The following ADAM33 variants were observed in gnomAD, a reference collection of about 807,000 sequenced individuals.
The protein encoded by ADAM33 is disintegrin and metalloproteinase domain-containing protein 33.
Under a neutral mutation model 106.2 loss-of-function variants are expected in ADAM33, and 103 were observed. The observed-to-expected ratio is 0.97, with a 90% CI of 0.83 to 1.14. The LOEUF (loss-of-function observed/expected upper bound fraction) is 1.14, where lower values mean the gene tolerates loss of function less well. Among genes scored for constraint, ADAM33 ranks in the 50% most tolerant of loss-of-function variants. The probability of loss-of-function intolerance (pLI) is 0.00; values close to 1 mark genes in which losing one functional copy is unlikely to be tolerated. For synonymous variants in ADAM33, 483 were observed against 453.0 expected (o/e 1.07, Z -0.84); for missense variants, 1,120 against 1,096.6 (o/e 1.02, Z -0.30).
chr20:3,673,250 C>A (rs1353305769), intron 11 of ADAM33, 104 bp downstream of exon 11: 1 of 1,534,022 alleles, frequency 6.5e-7, no homozygotes, highest in Admixed American at 2.0e-5. Context: ...GATCATTATC[C>A]CCATTTTACA....
Position 3,671,868 on chromosome 20 carries a change from A to G in ADAM33, c.1706+9T>C. The G allele has an allele frequency of 6.4e-7, 1 of 1,550,776 alleles. No individual in the cohort carries two copies. The highest frequency in any genetic ancestry group is 1.4e-5 in the African/African-American group (1 of 72,726). The stretch of plus-strand genomic sequence containing the variant: ...GCTTCTGCTCCCTCCACTCAGCTCC[A>G]CTCCCTACCTCCCTGCACAGGGCAG... On this transcript the variant is annotated intron_variant, in intron 15 of 21. Transcript: ENST00000356518.
Position 3,671,497 on chromosome 20 carries a change from CT to C in ADAM33, c.1906-2del. The C allele has an allele frequency of 6.2e-7, 1 of 1,610,812 alleles. No homozygotes were observed. The highest frequency in any genetic ancestry group is 8.5e-7 in the Non-Finnish European group (1 of 1,178,130). ...TCCTGCAGCGCCTGCTCTGGCACAC[CT>C]ACGGGCAGTGCACCAGGCAGTGAGG... On this transcript the variant is annotated splice_acceptor_variant, in intron 16 of 21. Transcript: ENST00000356518. LOFTEE classifies it high-confidence loss of function.
rs144677535 is a variant in ADAM33 at position 3,674,825 on chromosome 20, C to T, written c.358G>A (p.Val120Ile). Residue 120 changes from valine (V) to isoleucine (I), a missense_variant, in exon 5 of 22, where the codon GTA becomes ATA. By Grantham distance (29) the Val-to-Ile change is conservative. Transcript: ENST00000356518. ...ACCCAGGAGTCGGGGAAGCCCCTTA[C>T]TCGCCCTTGGTAGTGGCAATGATCC... ...HTDHCHYQGR[V>I]RGFPDSWVVL... 1 of 1,611,336 alleles carries T rather than the reference C, an allele frequency of 6.2e-7. No homozygotes were observed. The highest frequency in any genetic ancestry group is 8.5e-7 in the Non-Finnish European group (1 of 1,178,448).
Position 3,671,563 on chromosome 20 carries a change from C to G in ADAM33, c.1905+18G>C, listed in dbSNP as rs373705446. The stretch of plus-strand genomic sequence containing the variant: ...CGGGATTCAAACGGCAAGGAGGGGT[C>G]GGGTGGGCAGAGCTCACCATTCTAG... On this transcript the variant is annotated intron_variant, in intron 16 of 21. Coordinates refer to ENST00000356518, the MANE Select transcript of ADAM33 (RefSeq NM_025220.5). The G allele has an allele frequency of 6.2e-7, 1 of 1,606,068 alleles. No homozygotes were observed. Among genetic ancestry groups the G allele is most frequent in the South Asian group, 1.1e-5 (1 of 90,344 alleles).
chr20:3,677,188 T>C (rs2146440138), intron 2 of ADAM33, 45 bp from the exon 3 acceptor site: 2 of 1,509,518 alleles, frequency 1.3e-6, no homozygotes, highest in East Asian at 2.5e-5. Context: ...CCTCCAGGCC[T>C]CCTGCCTGCC....
At chr20:3,679,347 A>AG (rs2088258759) in intron 2 of ADAM33, 145 bp downstream of exon 2, 1 of 752,310 alleles carries the variant, frequency 1.3e-6, no homozygotes, top group African/African-American at 1.8e-5. Flanking sequence ...TGCCCACTTG[A>AG]GGGGCAGGGG....
At chr20:3,672,441 C>G in intron 13 of ADAM33, 96 bp downstream of exon 13, 1 of 1,578,770 alleles carries the variant, frequency 6.3e-7, no homozygotes, top group Non-Finnish European at 8.6e-7. Flanking sequence ...AAGCCCAGCA[C>G]CCAACGGGGG....
chr20:3,679,362 A>G (rs932090956), intron 2 of ADAM33, 130 bp downstream of exon 2: 4 of 870,602 alleles, frequency 4.6e-6, no homozygotes, highest in Non-Finnish European at 7.1e-6. Flanking sequence ...CAGGGGAGGC[A>G]GGGGCCTATA....
chr20:3,676,843 C>T (rs1205698058), intron 3 of ADAM33, among the ~76,000 whole-genome samples: 3 of 152,218 alleles, frequency 2.0e-5, no homozygotes, highest in Non-Finnish European at 2.9e-5. Flanking sequence ...GCTAACAAGC[C>T]GCTCCTGGGG....
intron 11 of ADAM33, 186 bp from the exon 12 acceptor site, chr20:3,673,084 G>A: frequency 5.5e-6 from 8 of 1,449,862 alleles, no homozygotes; most frequent in Non-Finnish European, 7.2e-6. Flanking sequence ...TGAGCAGCCC[G>A]GGACCCAAGG....
chr20:3,673,963 G>T, intron 8 of ADAM33, 52 bp from the exon 9 acceptor site: 2 of 1,589,470 alleles, frequency 1.3e-6, no homozygotes, highest in Admixed American at 1.7e-5. Flanking sequence ...TCGCGCCGGT[G>T]GTCCTTCGTG....
intron 2 of ADAM33, among the ~76,000 whole-genome samples, chr20:3,678,314 T>A (rs1200379304): frequency 1.3e-5 from 2 of 152,220 alleles, no homozygotes; most frequent in Non-Finnish European, 2.9e-5. Flanking sequence ...TTCTGTACCA[T>A]CTTGGCAGGC....
At chr20:3,674,995 G>A (rs761258140) in intron 4 of ADAM33, 32 bp downstream of exon 4, 22 of 1,612,946 alleles carry the variant, frequency 1.4e-5, no homozygotes, top group African/African-American at 4.0e-5. Context: ...TACCTCTGGC[G>A]GTGCATCCCA....
chr20:3,668,673 C>T lies in ADAM33; in HGVS notation c.*290G>A. 2.2e-6 allele frequency: 1 copy of T among 464,706 alleles called. No homozygotes were observed. Among genetic ancestry groups the T allele is most frequent in the Non-Finnish European group, 4.0e-6 (1 of 252,402 alleles). 28.8% of individuals were successfully genotyped at this position (464,706 alleles called of 1,614,324 possible). ...TTTTGGGATGGCCAGCACTACCCAGCCTCCACTGGTGAGGGAGGTCAGGGG... is the reference window on the plus strand; with the variant it reads ...TTTTGGGATGGCCAGCACTACCCAGTCTCCACTGGTGAGGGAGGTCAGGGG... On this transcript the variant is annotated 3_prime_UTR_variant, in exon 22 of 22. Coordinates refer to ENST00000356518, the MANE Select transcript of ADAM33 (RefSeq NM_025220.5).
Position 3,671,526 on chromosome 20 carries a change from G to A in ADAM33, c.1906-30C>T, listed in dbSNP as rs186215490. The A allele has an allele frequency of 1.2e-5, 20 of 1,610,040 alleles. No homozygotes were observed. The Admixed American group carries it at 2.0e-4, about 16-fold the overall frequency. ...GGGCAGTGCACCAGGCAGTGAGGGG[G>A]ACACTGGCCTGCGGGATTCAAACGG... On this transcript the variant is annotated intron_variant, in intron 16 of 21. Coordinates refer to ENST00000356518, the MANE Select transcript of ADAM33 (RefSeq NM_025220.5).
chr20:3,681,826 C>T, intron 1 of ADAM33, 82 bp downstream of exon 1: 2 of 1,511,516 alleles, frequency 1.3e-6, no homozygotes, highest in Non-Finnish European at 1.8e-6. Flanking sequence ...GCGCGCTGAC[C>T]CGAGCTCTGA....
intron 1 of ADAM33, among the ~76,000 whole-genome samples, chr20:3,681,143 C>G (rs1269171269): frequency 6.6e-6 from 1 of 152,186 alleles, no homozygotes; most frequent in African/African-American, 2.4e-5. Context: ...CATGCCCCCT[C>G]CCTGGTTGCC....
Position 3,671,015 on chromosome 20 carries a change from G to T in ADAM33, c.2231C>A (p.Ala744Glu). ...GGCGCTCGGAGCCTACCCACTGCAC[G>T]CAGGGTCCCTTCTGCAGCCCCAGCT... ...RCSWGCRRDPACSGPKDGPHR... is the reference protein window; with the variant it reads ...RCSWGCRRDPECSGPKDGPHR... The change falls in exon 19 of 22, where the codon GCG (alanine) becomes GAG (glutamate). Residue 744 changes from alanine (A) to glutamate (E), a missense_variant. Ala to Glu is a moderately radical substitution (Grantham distance 107). Transcript: ENST00000356518. 1.9e-6 allele frequency: 3 copies of T among 1,549,324 alleles called. No individual in the cohort carries two copies. Among genetic ancestry groups the T allele is most frequent in the East Asian group, 4.9e-5 (2 of 41,090 alleles).
Position 3,671,714 on chromosome 20 carries a change from A to G in ADAM33, c.1772T>C (p.Val591Ala). Residue 591 changes from valine to alanine, a missense_variant, in exon 16 of 22, where the codon GTG becomes GCG. Physicochemically the swap from Val to Ala is moderately conservative, Grantham distance 64. Transcript: ENST00000356518. ...GKPSLLAPHMVPVDSTVHLDG... is the reference protein window; with the variant it reads ...GKPSLLAPHMAPVDSTVHLDG... ...TAGGTGAACGGTAGAGTCCACTGGC[A>G]CCATGTGCGGTGCGAGCAGGCTGGG... 1 of 1,586,834 alleles carries G rather than the reference A, an allele frequency of 6.3e-7. No homozygotes were observed. The highest frequency in any genetic ancestry group is 8.6e-7 in the Non-Finnish European group (1 of 1,166,274).
Sources: allele counts gnomAD v4.1 joint callset (sites outside exome capture counted in the v4.1 genomes callset), GRCh38; gene constraint gnomAD v4.1.1; transcripts MANE v1.5; gene names NCBI Gene and HGNC (gene_info 2026-07-23, HGNC 2026-07-21).